Variants in SMAD5 observed in about 807,000 individuals in gnomAD.
SMAD5 encodes MAD, mothers against decapentaplegic homolog 5.
Under a neutral mutation model 43.1 loss-of-function variants are expected in SMAD5, and 9 were observed. That is an observed-to-expected ratio of 0.21 (90% CI 0.13 to 0.36). The LOEUF is 0.36. Ranked by LOEUF, SMAD5 falls within the 10% of genes least tolerant of loss-of-function variation. SMAD5 has a pLI of 1.00. For missense variants in SMAD5, 348 were observed against 574.0 expected (o/e 0.61, Z 4.02); for synonymous variants, 190 against 192.4 (o/e 0.99, Z 0.10).
intron 7 of SMAD5, among the ~76,000 whole-genome samples, chr5:136,177,063 T>C (rs1754444929): frequency 6.6e-6 from 1 of 152,188 alleles, no homozygotes; most frequent in Non-Finnish European, 1.5e-5. Flanking sequence ...GTTACCTTTC[T>C]AAGATTAAAA....
intron 4 of SMAD5, among the ~76,000 whole-genome samples, chr5:136,161,433 A>T (rs1753823336): frequency 1.3e-5 from 2 of 152,220 alleles, no homozygotes; most frequent in Admixed American, 1.3e-4. Context: ...TGACTATGTG[A>T]GATAGATATT....
intron 5 of SMAD5, among the ~76,000 whole-genome samples, chr5:136,172,003 T>C (rs986263647): frequency 6.6e-6 from 1 of 152,168 alleles, no homozygotes; most frequent in Non-Finnish European, 1.5e-5. Flanking sequence ...GATCTTTCTC[T>C]AAGAGCATGC....
intron 1 of SMAD5, among the ~76,000 whole-genome samples, chr5:136,138,879 T>G (rs1189295523): frequency 6.6e-6 from 1 of 152,214 alleles, no homozygotes; most frequent in Non-Finnish European, 1.5e-5. Context: ...TTTGTTGATT[T>G]AAAAACCCCA....
intron 5 of SMAD5, among the ~76,000 whole-genome samples, chr5:136,165,383 T>C (rs1259564325): frequency 6.6e-6 from 1 of 152,000 alleles, no homozygotes; most frequent in Admixed American, 6.6e-5. Flanking sequence ...TTTTGTTTGT[T>C]TGTTTGTTTT....
At chr5:136,137,860 A>G (rs972896435) in intron 1 of SMAD5, among the ~76,000 whole-genome samples, 5 of 152,226 alleles carry the variant, frequency 3.3e-5, no homozygotes, top group Non-Finnish European at 7.3e-5. Flanking sequence ...CTCTGGGTGC[A>G]CATGAGTTCT....
At chr5:136,165,734 A>G (rs1561654093) in intron 5 of SMAD5, among the ~76,000 whole-genome samples, 1 of 108,252 alleles carries the variant, frequency 9.2e-6, no homozygotes, top group Non-Finnish European at 1.8e-5. Flanking sequence ...GCACATCCAT[A>G]TTGTAGCAAT....
At chr5:136,166,862 TG>T (rs1407575930) in intron 5 of SMAD5, among the ~76,000 whole-genome samples, 3 of 152,194 alleles carry the variant, frequency 2.0e-5, no homozygotes, top group Non-Finnish European at 2.9e-5. Context: ...TAGTGTTATA[TG>T]TTAGATGTCC....
chr5:136,172,348 A>C lies in SMAD5; in HGVS notation c.776-86A>C, dbSNP rs1285655954. On this transcript the variant is annotated intron_variant, in intron 5 of 7. Transcript: ENST00000545279. ...CTGAAAATTTTCTTTTTCATGTAATACTTGGGTTGGGTTAAAAGATAAACA... is the reference window on the plus strand; with the variant it reads ...CTGAAAATTTTCTTTTTCATGTAATCCTTGGGTTGGGTTAAAAGATAAACA... 6.8e-6 allele frequency: 5 copies of C among 732,862 alleles called. No homozygotes were observed. The Admixed American group carries it at 1.2e-4, about 18-fold the overall frequency. 45.4% of individuals were successfully genotyped at this position (732,862 alleles called of 1,614,324 possible). A position where few individuals can be genotyped will look rare whatever the true frequency, so the allele number is the denominator to read the frequency against.
At chr5:136,145,294 T>A (rs1038277563) in intron 1 of SMAD5, among the ~76,000 whole-genome samples, 1 of 151,906 alleles carries the variant, frequency 6.6e-6, no homozygotes, top group Non-Finnish European at 1.5e-5. Context: ...ACTTCTCGTG[T>A]TGAGTAATTG....
chr5:136,136,204 T>G (rs6896090), intron 1 of SMAD5, among the ~76,000 whole-genome samples: 54,805 of 152,052 alleles, frequency 0.36, 10,862 homozygotes, highest in African/African-American at 0.54. Context: ...CGCCACTGGG[T>G]TCTAGCTCTG....
Position 136,180,120 on chromosome 5 carries a change from T to G in SMAD5, c.*2640T>G, listed in dbSNP as rs1026505855. 3 of 152,198 alleles carry G rather than the reference T, an allele frequency of 2.0e-5. No individual in the cohort carries two copies. The highest frequency in any genetic ancestry group is 7.2e-5 in the African/African-American group (3 of 41,460). The allele number at this position is 152,198 out of a possible 1,614,324, so 9.4% of individuals were successfully genotyped here. A position where few individuals can be genotyped will look rare whatever the true frequency, so the allele number is the denominator to read the frequency against. ...TTGTCAACTCCCCACCCTTGGACTT[T>G]AAATGAAAATTTTATTCAGTCCAGC... On this transcript the variant is annotated 3_prime_UTR_variant, in exon 8 of 8. Transcript: ENST00000545279.
intron 4 of SMAD5, 128 bp from the exon 5 acceptor site, chr5:136,163,144 T>C: frequency 1.4e-6 from 1 of 710,860 alleles, no homozygotes; most frequent in Non-Finnish European, 2.2e-6. Flanking sequence ...TAGGATAGTA[T>C]CCTACATTTT....
chr5:136,146,572 T>A (rs947647794), intron 1 of SMAD5, among the ~76,000 whole-genome samples: 17 of 151,826 alleles, frequency 1.1e-4, no homozygotes, highest in African/African-American at 4.1e-4. Flanking sequence ...ATTTTTTGTA[T>A]ACATAATGAG....
intron 4 of SMAD5, 97 bp downstream of exon 4, chr5:136,161,204 G>A: frequency 9.7e-7 from 1 of 1,034,356 alleles, no homozygotes; most frequent in Non-Finnish European, 1.4e-6. Flanking sequence ...TACATGCCAA[G>A]GTATAATAGC....
intron 3 of SMAD5, among the ~76,000 whole-genome samples, chr5:136,157,357 C>G (rs924937186): frequency 6.6e-6 from 1 of 152,046 alleles, no homozygotes; most frequent in Non-Finnish European, 1.5e-5. Flanking sequence ...CTTTTTGGCA[C>G]CAGGGTCTAG....
intron 7 of SMAD5, among the ~76,000 whole-genome samples, chr5:136,176,154 G>T (rs749133108): frequency 6.6e-6 from 1 of 150,652 alleles, no homozygotes; most frequent in South Asian, 2.1e-4. Flanking sequence ...AAAATTTTTC[G>T]TTAAAAAAAA....
chr5:136,159,237 C>G (rs1194122830), intron 3 of SMAD5, among the ~76,000 whole-genome samples: 1 of 152,046 alleles, frequency 6.6e-6, no homozygotes, highest in Non-Finnish European at 1.5e-5. Flanking sequence ...AGAATGCTGC[C>G]TCATTTGCCC....
chr5:136,152,445 T>C (rs1449517932), intron 2 of SMAD5, among the ~76,000 whole-genome samples: 1 of 152,186 alleles, frequency 6.6e-6, no homozygotes, highest in Non-Finnish European at 1.5e-5. Context: ...GCTGAGCACA[T>C]ACATTCTTTT....
chr5:136,165,743 A>G (rs1203498762), intron 5 of SMAD5, among the ~76,000 whole-genome samples: 1 of 122,320 alleles, frequency 8.2e-6, no homozygotes, highest in African/African-American at 3.2e-5. Flanking sequence ...TATTGTAGCA[A>G]TGTCAGAATT....
Sources: gnomAD v4.1 joint callset for allele counts (sites outside exome capture counted in the v4.1 genomes callset) on GRCh38, gnomAD v4.1.1 for gene constraint, MANE v1.5 for transcripts, NCBI Gene and HGNC (gene_info 2026-07-23, HGNC 2026-07-21) for gene names.